The following ATXN8OS variants were observed in gnomAD, a reference collection of about 807,000 sequenced individuals.
ATXN8OS encodes ATXN8 opposite strand lncRNA.
chr13:70,140,715 A>C lies in ATXN8OS; in HGVS notation n.500-6640A>C, dbSNP rs546297991. On this transcript the variant is annotated intron_variant and non_coding_transcript_variant, in intron 3 of 4. Transcript: ENST00000678624. Reference sequence around the variant, plus strand: ...GCAGATGAACTTTCTTTGTTTTTCTATGCATGTGGTGAAAAATGGTTTTAT... The same window carrying C: ...GCAGATGAACTTTCTTTGTTTTTCTCTGCATGTGGTGAAAAATGGTTTTAT... 2.0e-5 allele frequency among the ~76,000 whole-genome samples: 3 copies of C among 152,144 alleles called. No individual in the cohort carries two copies. The South Asian group carries it at 6.2e-4, about 32-fold the overall frequency.
intron 3 of ATXN8OS, among the ~76,000 whole-genome samples, chr13:70,140,156 T>C (rs1009836747): frequency 6.6e-6 from 1 of 152,132 alleles, no homozygotes; most frequent in Admixed American, 6.6e-5. Flanking sequence ...AGTTAGTATA[T>C]TACAAGTACA....
chr13:70,166,951 C>G (rs1212019744), intron 4 of ATXN8OS, among the ~76,000 whole-genome samples: 5 of 151,552 alleles, frequency 3.3e-5, no homozygotes, highest in Admixed American at 1.3e-4. Context: ...AAATGCAAAT[C>G]AAAACCACAA....
At chr13:70,123,792 A>G (rs1593760059) in intron 2 of ATXN8OS, among the ~76,000 whole-genome samples, 1 of 152,088 alleles carries the variant, frequency 6.6e-6, no homozygotes, top group Non-Finnish European at 1.5e-5. Flanking sequence ...TTAGTGCCTG[A>G]GGTTGTCACC....
chr13:70,156,267 G>A (rs1442190706), intron 4 of ATXN8OS, among the ~76,000 whole-genome samples: 1 of 151,672 alleles, frequency 6.6e-6, no homozygotes, highest in Non-Finnish European at 1.5e-5. Flanking sequence ...GTGTGTGTGT[G>A]TGTTTATATT....
At chr13:70,118,854 C>T (rs1240445553) in intron 2 of ATXN8OS, among the ~76,000 whole-genome samples, 20 of 146,204 alleles carry the variant, frequency 1.4e-4, no homozygotes, top group Middle Eastern at 3.6e-3. Context: ...TTTTTTGAGA[C>T]AGAGTTTAGC....
chr13:70,171,305 T>A (rs569981170), exon 5 of ATXN8OS, among the ~76,000 whole-genome samples: 7 of 152,250 alleles, frequency 4.6e-5, no homozygotes, highest in Admixed American at 3.9e-4. Context: ...TACAGTTCAT[T>A]ATGTACAGAG....
chr13:70,119,718 G>C (rs1888330744), intron 2 of ATXN8OS, among the ~76,000 whole-genome samples: 1 of 152,024 alleles, frequency 6.6e-6, no homozygotes, highest in South Asian at 2.1e-4. Context: ...GAAAAATTTA[G>C]CACCTGACTT....
At chr13:70,115,399 G>A (rs527284511) in intron 2 of ATXN8OS, 40 of 396,040 alleles carry the variant, frequency 1.0e-4, no homozygotes, top group African/African-American at 7.4e-4. Context: ...GTGGCATTAG[G>A]GATTAAGTTT....
chr13:70,145,048 C>T (rs2137494999), intron 3 of ATXN8OS, among the ~76,000 whole-genome samples: 1 of 152,156 alleles, frequency 6.6e-6, no homozygotes, highest in Non-Finnish European at 1.5e-5. Flanking sequence ...GGAAGGGATC[C>T]AGTTTCAGCT....
Position 70,136,121 on chromosome 13 carries a change from T to C in ATXN8OS, n.499+6237T>C, listed in dbSNP as rs558387752. Among the ~76,000 whole-genome samples the C allele has an allele frequency of 5.6e-4, 86 of 152,308 alleles. 1 individual carries two copies. In the South Asian group the frequency reaches 0.018, roughly 31 times the overall value. On this transcript the variant is annotated intron_variant and non_coding_transcript_variant, in intron 3 of 4. Coordinates refer to ENST00000678624, the Ensembl canonical transcript of ATXN8OS. ...ATTTGTTGGTGCAAAGAGGCATTTCTTTTGCGGGGGCAAGTCTGATCAGTT... is the reference window on the plus strand; with the variant it reads ...ATTTGTTGGTGCAAAGAGGCATTTCCTTTGCGGGGGCAAGTCTGATCAGTT...
rs1380120061 is a variant in ATXN8OS at position 70,160,777 on chromosome 13, TATAA to T, written n.574-8972_574-8969del. 8.5e-5 allele frequency among the ~76,000 whole-genome samples: 4 copies of T among 47,132 alleles called. 1 individual carries two copies. Among genetic ancestry groups the T allele is most frequent in the Admixed American group, 5.6e-4 (2 of 3,554 alleles). The allele number at this position is 47,132 out of a possible 152,430, so 30.9% of individuals were successfully genotyped here. On this transcript the variant is annotated intron_variant and non_coding_transcript_variant, in intron 4 of 4. Coordinates refer to ENST00000678624, the Ensembl canonical transcript of ATXN8OS. ...TTTATATTTATATAATATGTAAATA[TATAA>T]ATATTTATTTATAAATATATTTATT...
At chr13:70,137,873 C>T (rs1045819892) in intron 3 of ATXN8OS, among the ~76,000 whole-genome samples, 1 of 152,178 alleles carries the variant, frequency 6.6e-6, no homozygotes, top group African/African-American at 2.4e-5. Flanking sequence ...GTTCCATGGT[C>T]TGTACAGGAA....
At chr13:70,150,815 A>T (rs543306049) in intron 4 of ATXN8OS, among the ~76,000 whole-genome samples, 1 of 152,176 alleles carries the variant, frequency 6.6e-6, no homozygotes, top group African/African-American at 2.4e-5. Flanking sequence ...GTGCAAAGCC[A>T]TGCTTCACTA....
upstream of ATXN8OS, chr13:70,107,446 G>C: frequency 1.2e-6 from 2 of 1,614,146 alleles, no homozygotes; most frequent in Non-Finnish European, 1.7e-6. Context: ...GGAAGAGGAG[G>C]AAGAGGACGG....
At chr13:70,118,854 C>A (rs1240445553) in intron 2 of ATXN8OS, among the ~76,000 whole-genome samples, 13 of 146,110 alleles carry the variant, frequency 8.9e-5, no homozygotes, top group Non-Finnish European at 1.5e-4. Context: ...TTTTTTGAGA[C>A]AGAGTTTAGC....
chr13:70,155,052 T>C (rs1001079162), intron 4 of ATXN8OS, among the ~76,000 whole-genome samples: 1 of 152,192 alleles, frequency 6.6e-6, no homozygotes, highest in Non-Finnish European at 1.5e-5. Flanking sequence ...ACTGTCTTTG[T>C]TCCGGGCGCA....
chr13:70,121,708 T>C (rs1345942977), intron 2 of ATXN8OS, among the ~76,000 whole-genome samples: 1 of 152,176 alleles, frequency 6.6e-6, no homozygotes, highest in African/African-American at 2.4e-5. Flanking sequence ...AGAAATTGTA[T>C]ATTCTCAAGT....
At chr13:70,124,373 C>T (rs1888399771) in intron 2 of ATXN8OS, among the ~76,000 whole-genome samples, 1 of 151,854 alleles carries the variant, frequency 6.6e-6, no homozygotes, top group South Asian at 2.1e-4. Flanking sequence ...ATGAAGCAAC[C>T]AAATAAATAG....
intron 4 of ATXN8OS, among the ~76,000 whole-genome samples, chr13:70,153,808 C>T (rs934189494): frequency 9.9e-5 from 15 of 151,918 alleles, no homozygotes; most frequent in African/African-American, 3.4e-4. Context: ...ACCTCCCAAG[C>T]AGCTAGGACC....
Sources: allele counts gnomAD v4.1 joint callset (sites outside exome capture counted in the v4.1 genomes callset), GRCh38; gene constraint gnomAD v4.1.1; transcripts MANE v1.5; gene names NCBI Gene and HGNC (gene_info 2026-07-23, HGNC 2026-07-21).